Variants in ANKRD36 observed in about 807,000 individuals in gnomAD.
ANKRD36 encodes the protein ankyrin repeat domain 36, also known as ankyrin repeat domain-containing protein 36A.
ANKRD36 carries 179 observed loss-of-function variants against 278.1 expected under a neutral mutation model. The observed-to-expected ratio is 0.64, with a 90% confidence interval of 0.57 to 0.73. The LOEUF (loss-of-function observed/expected upper bound fraction) is 0.73, where lower values mean the gene tolerates loss of function less well. ANKRD36 is among the 30% of genes least tolerant of loss of function. The pLI, the probability that ANKRD36 is intolerant of heterozygous loss-of-function variation, is 0.00. For synonymous variants in ANKRD36, 320 were observed against 641.1 expected, an observed-to-expected ratio of 0.50 and a Z score of 7.57; for missense variants, 1,159 against 1,956.7, an observed-to-expected ratio of 0.59 and a Z score of 7.69.
At chr2:97,118,316 T>C in intron 2 of ANKRD36, 28 bp from the exon 3 acceptor site, 1 of 1,611,410 alleles carries the variant, frequency 6.2e-7, no homozygotes, top group Non-Finnish European at 8.5e-7. Flanking sequence ...TTTCAGTATT[T>C]GCATGTTTCT....
intron 12 of ANKRD36, among the ~76,000 whole-genome samples, chr2:97,150,325 G>A (rs1233764431): frequency 6.6e-6 from 1 of 151,814 alleles, no homozygotes; most frequent in African/African-American, 2.4e-5. Context: ...AATTTCAGAG[G>A]CTTTTGTGCT....
chr2:97,243,167 G>T (rs200256975), intron 69 of ANKRD36, among the ~76,000 whole-genome samples: 1 of 142,830 alleles, frequency 7.0e-6, no homozygotes, highest in African/African-American at 2.4e-5. Context: ...GAGAACATGT[G>T]CCCGAGGTGG....
intron 6 of ANKRD36, among the ~76,000 whole-genome samples, chr2:97,136,029 A>T (rs918611331): frequency 6.6e-6 from 1 of 151,762 alleles, no homozygotes; most frequent in African/African-American, 2.4e-5. Context: ...CAGCCTCCAG[A>T]TGGCTTCAGG....
At chr2:97,220,775 A>ATTTTTTTTTTTTTTTTTTTT (rs58512786) in intron 66 of ANKRD36, among the ~76,000 whole-genome samples, 1 of 62,722 alleles carries the variant, frequency 1.6e-5, no homozygotes, top group East Asian at 6.1e-4. Flanking sequence ...TTTTTTTTTA[A>ATTTTTTTTTTTTTTTTTTTT]TTTTTTTTTT....
At position 97,142,789 on chromosome 2, in the gene ANKRD36, T is replaced by G. The variant is rs1233654157; in HGVS notation, c.855T>G (p.Ile285Met). Residue 285 changes from isoleucine to methionine, a missense_variant, in exon 8 of 76, where the codon ATT (isoleucine) becomes ATG (methionine). Ile to Met is a conservative substitution (Grantham distance 10, BLOSUM62 1). Transcript: ENST00000420699. Reference protein sequence around the residue: ...LKATSGKEDSISNIATEIKDG... With the variant: ...LKATSGKEDSMSNIATEIKDG... ...CTACAAGTGGCAAGGAAGATTCTAT[T>G]TCAAATATAGCCACAGAAATAAAGG... 1 of 1,572,676 alleles carries G rather than the reference T, an allele frequency of 6.4e-7. No homozygotes were observed. Among genetic ancestry groups the G allele is most frequent in the African/African-American group, 1.4e-5 (1 of 73,712 alleles).
At chr2:97,172,596 A>T (rs1220199033) in intron 22 of ANKRD36, among the ~76,000 whole-genome samples, 1 of 152,032 alleles carries the variant, frequency 6.6e-6, no homozygotes, top group African/African-American at 2.4e-5. Flanking sequence ...TGACTCTGAG[A>T]AAATCCAGTG....
Position 97,127,138 on chromosome 2 carries a change from A to G in ANKRD36, c.799+4A>G. The G allele has an allele frequency of 1.6e-6, 2 of 1,247,744 alleles. No individual in the cohort carries two copies. The highest frequency in any genetic ancestry group is 3.1e-5 in the South Asian group (2 of 65,130). The allele number at this position is 1,247,744 out of a possible 1,614,324, so 77.3% of individuals were successfully genotyped here. A position where few individuals can be genotyped will look rare whatever the true frequency, so the allele number is the denominator to read the frequency against. On this transcript the variant is annotated splice_donor_region_variant and intron_variant, in intron 6 of 75. Coordinates refer to ENST00000420699, the MANE Select transcript of ANKRD36 (RefSeq NM_001354587.1). ...CTTCCTATAAATAGCAATCCAGGTA[A>G]GATTTCTGATAGTGAATTACTCTTG...
chr2:97,123,622 TA>T (rs200316428), intron 4 of ANKRD36, among the ~76,000 whole-genome samples: 95 of 42,256 alleles, frequency 2.2e-3, no homozygotes, highest in Non-Finnish European at 8.0e-3. Context: ...ATTATATATA[TA>T]TATATATATA....
At chr2:97,172,635 G>A (rs1387544655) in intron 22 of ANKRD36, among the ~76,000 whole-genome samples, 2 of 152,094 alleles carry the variant, frequency 1.3e-5, no homozygotes, top group Non-Finnish European at 2.9e-5. Flanking sequence ...ACAGTAAGGA[G>A]TGGAAATGGC....
At chr2:97,156,996 G>GT (rs2047626353) in intron 15 of ANKRD36, among the ~76,000 whole-genome samples, 1 of 151,908 alleles carries the variant, frequency 6.6e-6, no homozygotes, top group African/African-American at 2.4e-5. Flanking sequence ...TTTTTCATGT[G>GT]TTTTTTGGCT....
chr2:97,138,367 A>T (rs1196934367), intron 6 of ANKRD36, among the ~76,000 whole-genome samples: 2 of 152,116 alleles, frequency 1.3e-5, no homozygotes, highest in South Asian at 4.2e-4. Context: ...ATAGCAAGGA[A>T]TACAACTCAC....
At chr2:97,195,020 C>G (rs1489258866) in intron 40 of ANKRD36, 103 bp downstream of exon 40, 5 of 1,448,402 alleles carry the variant, frequency 3.5e-6, no homozygotes, top group Non-Finnish European at 4.7e-6. Flanking sequence ...CATTCTGATT[C>G]AGCAGGCCTG....
chr2:97,196,411 C>A (rs1165738406), intron 40 of ANKRD36, among the ~76,000 whole-genome samples, 182 bp from the exon 41 acceptor site: 7 of 151,954 alleles, frequency 4.6e-5, no homozygotes, highest in Non-Finnish European at 8.8e-5. Context: ...TTTCATGGAG[C>A]CTGTATTCCC....
chr2:97,185,834 G>A (rs529385415), intron 30 of ANKRD36, among the ~76,000 whole-genome samples: 1 of 151,888 alleles, frequency 6.6e-6, no homozygotes, highest in Non-Finnish European at 1.5e-5. Context: ...AGGAGAATGA[G>A]TTGAAGTATA....
At chr2:97,210,480 G>A (rs1186582918) in intron 56 of ANKRD36, among the ~76,000 whole-genome samples, 1 of 151,816 alleles carries the variant, frequency 6.6e-6, no homozygotes, top group Non-Finnish European at 1.5e-5. Context: ...CTGGAAGCAG[G>A]AAACAATGGT....
At chr2:97,199,655 A>G (rs1474049781) in intron 44 of ANKRD36, among the ~76,000 whole-genome samples, 1 of 151,934 alleles carries the variant, frequency 6.6e-6, no homozygotes, top group Non-Finnish European at 1.5e-5. Flanking sequence ...TATTGAGGCT[A>G]ATATATTATC....
chr2:97,210,378 G>T (rs1431895734), intron 56 of ANKRD36, among the ~76,000 whole-genome samples: 1 of 151,734 alleles, frequency 6.6e-6, no homozygotes, highest in East Asian at 2.0e-4. Context: ...TATAATTTTG[G>T]GGTTTCTGCT....
intron 6 of ANKRD36, among the ~76,000 whole-genome samples, chr2:97,129,816 T>C (rs2039599559): frequency 6.6e-6 from 1 of 152,094 alleles, no homozygotes; most frequent in South Asian, 2.1e-4. Context: ...CTCTGTTCTG[T>C]TCCATTGGTC....
chr2:97,164,831 CTGCTGACTTTACAAT>C (rs568227387), intron 20 of ANKRD36, among the ~76,000 whole-genome samples: 321 of 152,304 alleles, frequency 2.1e-3, no homozygotes, highest in African/African-American at 7.4e-3. Context: ...AAAGCTATAC[CTGCTGACTTTACAAT>C]TGTTTTAGAA....
Sources: gnomAD v4.1 joint callset for allele counts (sites outside exome capture counted in the v4.1 genomes callset) on GRCh38, gnomAD v4.1.1 for gene constraint, MANE v1.5 for transcripts, NCBI Gene and HGNC (gene_info 2026-07-23, HGNC 2026-07-21) for gene names.